Variants in TRA2A observed in about 807,000 individuals in gnomAD.
TRA2A encodes the protein transformer 2 alpha homolog, also known as transformer-2 protein homolog alpha.
A neutral mutation model predicts 45.7 loss-of-function variants in TRA2A; 31 were observed. That is an observed-to-expected ratio of 0.68 (90% CI 0.51 to 0.92). The LOEUF (loss-of-function observed/expected upper bound fraction) is 0.92, where lower values mean the gene tolerates loss of function less well. TRA2A is among the 40% of genes least tolerant of loss of function. TRA2A has a pLI of 0.00. For synonymous variants in TRA2A, 132 were observed against 126.2 expected, an observed-to-expected ratio of 1.05 and a Z score of -0.31; for missense variants, 304 against 367.5, an observed-to-expected ratio of 0.83 and a Z score of 1.41.
Position 23,505,500 on chromosome 7 carries a change from T to TAAAAAA in TRA2A, c.*53_*58dup, listed in dbSNP as rs777556731. On this transcript the variant is annotated 3_prime_UTR_variant, in exon 8 of 8. Coordinates refer to ENST00000297071, the MANE Select transcript of TRA2A (RefSeq NM_013293.5). ...CCACAGCTTGGGGAAATCTCAGAATTAAAAAAAAAAAAAAAAAAAAGAGGA... is the reference window on the plus strand; with the variant it reads ...CCACAGCTTGGGGAAATCTCAGAATTAAAAAAAAAAAAAAAAAAAAAAAAAAGAGGA... 10,915 of 344,152 alleles carry TAAAAAA rather than the reference T, an allele frequency of 0.032. 182 individuals carry two copies. The highest frequency in any genetic ancestry group is 0.05 in the African/African-American group (925 of 18,486). 21.3% of individuals were successfully genotyped at this position (344,152 alleles called of 1,614,324 possible).
chr7:23,511,520 A>G lies in TRA2A; in HGVS notation c.525+1374T>C, dbSNP rs117040500. On this transcript the variant is annotated intron_variant, in intron 4 of 7. Transcript: ENST00000297071. ...AAAGACAGAAGGTCTAACAAAACTA[A>G]AAGTATTGAGCTTCAAATTCTTTAA... Among the ~76,000 whole-genome samples the G allele has an allele frequency of 1.8e-4, 28 of 151,940 alleles. 1 individual carries two copies. In the East Asian group the frequency reaches 5.4e-3, roughly 29 times the overall value.
chr7:23,525,437 T>TA (rs762075916), intron 1 of TRA2A, among the ~76,000 whole-genome samples: 4 of 152,124 alleles, frequency 2.6e-5, no homozygotes, highest in Non-Finnish European at 5.9e-5. Context: ...CAATAACCAT[T>TA]AAAAATACAC....
intron 1 of TRA2A, among the ~76,000 whole-genome samples, chr7:23,524,770 C>T (rs1790273174): frequency 1.3e-5 from 2 of 151,740 alleles, no homozygotes; most frequent in African/African-American, 4.8e-5. Flanking sequence ...CAGCTCACTG[C>T]AACCTCCGCC....
intron 4 of TRA2A, among the ~76,000 whole-genome samples, 184 bp downstream of exon 4, chr7:23,512,710 G>A (rs1296910918): frequency 2.0e-5 from 3 of 150,886 alleles, no homozygotes; most frequent in Non-Finnish European, 3.0e-5. Flanking sequence ...CACCTGCCTC[G>A]GCCTCCCAAA....
chr7:23,516,385 C>A lies in TRA2A; in HGVS notation c.314G>T (p.Arg105Leu). The change falls in exon 3 of 8, where the codon CGG (arginine) becomes CTG (leucine). Residue 105 changes from arginine to leucine, a missense_variant. By Grantham distance (102) the Arg-to-Leu change is moderately radical. Transcript: ENST00000297071. ...TACCCTGCTGCCAGTATGTCTTCTC[C>A]GGTTAGACATTGGAGAATGGCTTCG... ...RSRSHSPMSN[R>L]RRHTGSRANP... 6.2e-7 allele frequency: 1 copy of A among 1,614,166 alleles called. No homozygotes were observed. Among genetic ancestry groups the A allele is most frequent in the Non-Finnish European group, 8.5e-7 (1 of 1,180,036 alleles).
chr7:23,518,892 G>C (rs1790008326), intron 2 of TRA2A, among the ~76,000 whole-genome samples: 1 of 151,924 alleles, frequency 6.6e-6, no homozygotes. Flanking sequence ...TCAACATGTT[G>C]GCCAGGATGG....
chr7:23,521,954 C>A (rs954599127), intron 1 of TRA2A, 114 bp from the exon 2 acceptor site: 4 of 1,462,978 alleles, frequency 2.7e-6, no homozygotes, highest in Admixed American at 4.7e-5. Context: ...AATGGTTAGA[C>A]AACACCCTCC....
intron 3 of TRA2A, among the ~76,000 whole-genome samples, chr7:23,514,381 AATT>A (rs1289361521): frequency 1.3e-5 from 2 of 152,112 alleles, no homozygotes; most frequent in African/African-American, 4.8e-5. Context: ...TTCTAAGAGA[AATT>A]ATTATCTATT....
intron 1 of TRA2A, chr7:23,531,164 T>C: frequency 1.0e-6 from 1 of 973,434 alleles, no homozygotes; most frequent in East Asian, 1.1e-4. Context: ...TAAGGGTCGG[T>C]GCGGTCGTTG....
intron 1 of TRA2A, 177 bp from the exon 2 acceptor site, chr7:23,522,017 C>T (rs780403644): frequency 3.2e-5 from 45 of 1,401,458 alleles, no homozygotes; most frequent in Non-Finnish European, 4.0e-5. Flanking sequence ...TAACTGTCCT[C>T]AATAATTCCC....
Position 23,505,354 on chromosome 7 carries a change from C to A in TRA2A, c.*205G>T. ...TTTATACTCAAGATGTTTAACTGTT[C>A]AAAATGACAACAATTACATCTTTTA... On this transcript the variant is annotated 3_prime_UTR_variant, in exon 8 of 8. Transcript: ENST00000297071. The A allele has an allele frequency of 4.7e-6, 2 of 423,016 alleles. No homozygotes were observed. The highest frequency in any genetic ancestry group is 4.2e-6 in the Non-Finnish European group (1 of 238,610). 26.2% of individuals were successfully genotyped at this position (423,016 alleles called of 1,614,324 possible).
intron 1 of TRA2A, among the ~76,000 whole-genome samples, chr7:23,523,409 G>C (rs1790216365): frequency 2.6e-5 from 4 of 152,002 alleles, no homozygotes; most frequent in Admixed American, 2.6e-4. Flanking sequence ...TGGACAGCTT[G>C]GTTTCTGTGT....
At chr7:23,516,223 G>A in intron 3 of TRA2A, 140 bp downstream of exon 3, 1 of 730,176 alleles carries the variant, frequency 1.4e-6, no homozygotes, top group Non-Finnish European at 2.2e-6. Context: ...CCTTTACTTT[G>A]AAAGCTAAAG....
At chr7:23,519,714 C>T (rs924719701) in intron 2 of TRA2A, among the ~76,000 whole-genome samples, 9 of 151,846 alleles carry the variant, frequency 5.9e-5, no homozygotes, top group African/African-American at 1.7e-4. Context: ...TTTTTTTGCA[C>T]GATTTTACAA....
chr7:23,531,835 C>A lies in TRA2A; in HGVS notation c.-11G>T. Reference sequence around the variant, plus strand: ...CTCCACATCACTCATGTCGACGAGGCGCTCCCCAGAACTAAATAAGAGACA... The same window carrying A: ...CTCCACATCACTCATGTCGACGAGGAGCTCCCCAGAACTAAATAAGAGACA... On this transcript the variant is annotated 5_prime_UTR_variant, in exon 1 of 8. Transcript: ENST00000297071. The A allele has an allele frequency of 1.9e-6, 3 of 1,613,656 alleles. No individual in the cohort carries two copies. The highest frequency in any genetic ancestry group is 2.5e-6 in the Non-Finnish European group (3 of 1,180,008).
In TRA2A at chr7:23,504,837, A is replaced by C. The variant is rs992307814; in HGVS notation, c.*722T>G. Reference sequence around the variant, plus strand: ...CTTTTCCCCACATGTATCTTTTAAGAATTCTATGCTATGTGATAACCTGCT... The same window carrying C: ...CTTTTCCCCACATGTATCTTTTAAGCATTCTATGCTATGTGATAACCTGCT... On this transcript the variant is annotated 3_prime_UTR_variant, in exon 8 of 8. Transcript: ENST00000297071. 2.6e-5 allele frequency: 4 copies of C among 152,614 alleles called. No individual in the cohort carries two copies. Among genetic ancestry groups the C allele is most frequent in the Non-Finnish European group, 5.9e-5 (4 of 68,044 alleles). 9.5% of individuals were successfully genotyped at this position (152,614 alleles called of 1,614,324 possible). A position where few individuals can be genotyped will look rare whatever the true frequency, so the allele number is the denominator to read the frequency against.
intron 2 of TRA2A, among the ~76,000 whole-genome samples, chr7:23,520,178 T>C (rs1483267099): frequency 6.6e-6 from 1 of 152,214 alleles, no homozygotes; most frequent in Non-Finnish European, 1.5e-5. Flanking sequence ...ATCGTGCCAC[T>C]GCACTGCAGG....
intron 4 of TRA2A, among the ~76,000 whole-genome samples, chr7:23,510,249 C>T (rs1266813362): frequency 6.6e-6 from 1 of 152,136 alleles, no homozygotes; most frequent in Non-Finnish European, 1.5e-5. Flanking sequence ...AACATATTGT[C>T]ACCTAGTGAA....
chr7:23,511,760 G>A (rs1213464712), intron 4 of TRA2A, among the ~76,000 whole-genome samples: 5 of 151,976 alleles, frequency 3.3e-5, no homozygotes, highest in Admixed American at 2.0e-4. Context: ...TTATAATACC[G>A]AACATGTTAG....
Sources: gnomAD v4.1 joint callset for allele counts (sites outside exome capture counted in the v4.1 genomes callset) on GRCh38, gnomAD v4.1.1 for gene constraint, MANE v1.5 for transcripts, NCBI Gene and HGNC (gene_info 2026-07-23, HGNC 2026-07-21) for gene names.